The following REEP1 variants were observed in gnomAD, a reference collection of about 807,000 sequenced individuals.
The protein encoded by REEP1 is receptor expression-enhancing protein 1.
REEP1 carries 22 observed loss-of-function variants against 40.3 expected under a neutral mutation model. The ratio of observed to expected loss-of-function variants is 0.55; its 90% confidence interval spans 0.39 to 0.78. The LOEUF is 0.78. Among genes scored for constraint, REEP1 ranks in the 30% least tolerant of loss-of-function variants. REEP1 has a pLI of 0.00. For synonymous variants in REEP1, 116 were observed against 139.2 expected, an observed-to-expected ratio of 0.83 and a Z score of 1.17; for missense variants, 280 against 361.1, an observed-to-expected ratio of 0.78 and a Z score of 1.82.
intron 5 of REEP1, among the ~76,000 whole-genome samples, chr2:86,249,622 A>G (rs760603734): frequency 3.4e-4 from 51 of 152,206 alleles, no homozygotes; most frequent in Middle Eastern, 3.4e-3. Context: ...ATCTATTAAA[A>G]AAAAAATAAA....
intron 5 of REEP1, among the ~76,000 whole-genome samples, chr2:86,240,833 C>T (rs140006458): frequency 4.6e-5 from 7 of 152,324 alleles, no homozygotes; most frequent in East Asian, 3.9e-4. Context: ...GCAGCAGGCA[C>T]GTGGTTATCT....
At chr2:86,286,429 T>C (rs1678403690) in intron 1 of REEP1, among the ~76,000 whole-genome samples, 2 of 152,186 alleles carry the variant, frequency 1.3e-5, no homozygotes, top group Non-Finnish European at 2.9e-5. Flanking sequence ...ATGTCAATTG[T>C]GCCACTGCTG....
At chr2:86,291,317 CAACAGGTGACAGTATA>C (rs1678679587) in intron 1 of REEP1, among the ~76,000 whole-genome samples, 1 of 152,180 alleles carries the variant, frequency 6.6e-6, no homozygotes, top group Non-Finnish European at 1.5e-5. Context: ...GATTTACTGA[CAACAGGTGACAGTATA>C]ATTTTAGGGT....
intron 5 of REEP1, chr2:86,240,140 T>C (rs958394645): frequency 1.3e-5 from 2 of 152,582 alleles, no homozygotes; most frequent in African/African-American, 4.8e-5. Flanking sequence ...AAGGGAGCCA[T>C]GTCCTCACCT....
chr2:86,325,450 A>G (rs889383639), intron 1 of REEP1, among the ~76,000 whole-genome samples: 1 of 152,170 alleles, frequency 6.6e-6, no homozygotes, highest in East Asian at 1.9e-4. Flanking sequence ...GTTACCTTAT[A>G]AGGTAAAAGG....
chr2:86,290,017 G>A (rs141726762), intron 1 of REEP1, among the ~76,000 whole-genome samples: 3,119 of 152,084 alleles, frequency 0.021, 64 homozygotes, highest in Non-Finnish European at 0.032. Flanking sequence ...TGTTTTTTGA[G>A]ATGGAGTCTC....
At chr2:86,274,476 A>C (rs1216855208) in intron 2 of REEP1, among the ~76,000 whole-genome samples, 1 of 152,240 alleles carries the variant, frequency 6.6e-6, no homozygotes, top group Non-Finnish European at 1.5e-5. Context: ...AGAATGACTC[A>C]TTGAGGCTAA....
At chr2:86,293,852 A>T (rs1232127453) in intron 1 of REEP1, among the ~76,000 whole-genome samples, 1 of 152,236 alleles carries the variant, frequency 6.6e-6, no homozygotes, top group Admixed American at 6.5e-5. Context: ...TTGCATACCC[A>T]TGTTCATGGC....
intron 5 of REEP1, among the ~76,000 whole-genome samples, chr2:86,239,208 CAAAA>C (rs35714309): frequency 5.1e-5 from 3 of 58,346 alleles, no homozygotes; most frequent in East Asian, 4.9e-4. Flanking sequence ...CCATCTAGAC[CAAAA>C]AAAAAAAAAA....
chr2:86,238,621 CT>C (rs1297886458), intron 5 of REEP1, among the ~76,000 whole-genome samples: 3 of 152,154 alleles, frequency 2.0e-5, no homozygotes, highest in Admixed American at 1.3e-4. Flanking sequence ...GGTCCCAGAC[CT>C]GAAAGAGGAT....
At chr2:86,219,910 T>A in intron 8 of REEP1, 60 bp downstream of exon 8, 1 of 1,215,974 alleles carries the variant, frequency 8.2e-7, no homozygotes, top group Non-Finnish European at 1.0e-6. Context: ...GGACCCCCAA[T>A]CTCCAGGGCA....
At chr2:86,256,902 A>C (rs1477388041) in intron 3 of REEP1, among the ~76,000 whole-genome samples, 1 of 152,174 alleles carries the variant, frequency 6.6e-6, no homozygotes, top group Non-Finnish European at 1.5e-5. Context: ...CAGAAAATCA[A>C]AAACAGCAAG....
At chr2:86,221,121 C>G (rs1674404234) in intron 7 of REEP1, among the ~76,000 whole-genome samples, 1 of 152,176 alleles carries the variant, frequency 6.6e-6, no homozygotes. Flanking sequence ...AGACACCCTG[C>G]TCCTAAGAAC....
chr2:86,222,345 G>A lies in REEP1; in HGVS notation c.632-2224C>T, dbSNP rs1352932663. On this transcript the variant is annotated intron_variant, in intron 7 of 8. Transcript: ENST00000538924. ...AAGTGCTCAGCTCAGCAGAGGCTGGGAGCAAAAGAGGCCAGTGTGGGCAGT... is the reference window on the plus strand; with the variant it reads ...AAGTGCTCAGCTCAGCAGAGGCTGGAAGCAAAAGAGGCCAGTGTGGGCAGT... Among the ~76,000 whole-genome samples, 76 of 152,208 alleles carry A rather than the reference G, an allele frequency of 5.0e-4. 1 individual carries two copies. Among genetic ancestry groups the A allele is most frequent in the Admixed American group, 5.0e-3 (76 of 15,280 alleles).
chr2:86,315,643 T>C (rs1012519040), intron 1 of REEP1, among the ~76,000 whole-genome samples: 2 of 152,098 alleles, frequency 1.3e-5, no homozygotes, highest in African/African-American at 4.8e-5. Context: ...AGTAAAGTGT[T>C]TTATACCCTC....
chr2:86,305,032 T>G (rs1162633404), intron 1 of REEP1, among the ~76,000 whole-genome samples: 1 of 152,184 alleles, frequency 6.6e-6, no homozygotes, highest in East Asian at 1.9e-4. Context: ...GTCTTCATTT[T>G]TTTTTTTTAA....
chr2:86,282,290 T>C, intron 1 of REEP1, 48 bp from the exon 2 acceptor site: 1 of 1,381,924 alleles, frequency 7.2e-7, no homozygotes, highest in Non-Finnish European at 1.0e-6. Flanking sequence ...ATTTATCTTA[T>C]TTAATGGAAA....
intron 1 of REEP1, among the ~76,000 whole-genome samples, chr2:86,327,166 C>T (rs909433728): frequency 6.6e-6 from 1 of 152,188 alleles, no homozygotes; most frequent in Non-Finnish European, 1.5e-5. Flanking sequence ...AATGTCAACA[C>T]TTTATTTTTT....
Position 86,251,954 on chromosome 2 carries a change from T to C in REEP1, c.417+3A>G. The C allele has an allele frequency of 6.2e-7, 1 of 1,607,370 alleles. No individual in the cohort carries two copies. The highest frequency in any genetic ancestry group is 8.5e-7 in the Non-Finnish European group (1 of 1,174,308). The stretch of plus-strand genomic sequence containing the variant: ...TGTAGTTGTGGTACTTCCAGCACAG[T>C]ACCTTGGAAGCAGCCATCACAGCCG... On this transcript the variant is annotated splice_donor_region_variant and intron_variant, in intron 5 of 8. Transcript: ENST00000538924.
Sources: gnomAD v4.1 joint callset for allele counts (sites outside exome capture counted in the v4.1 genomes callset) on GRCh38, gnomAD v4.1.1 for gene constraint, MANE v1.5 for transcripts, NCBI Gene and HGNC (gene_info 2026-07-23, HGNC 2026-07-21) for gene names.